Variants in PRKCA observed in about 807,000 individuals in gnomAD.
PRKCA encodes the protein protein kinase C alpha, also known as protein kinase C alpha type.
Under a neutral mutation model 87.0 loss-of-function variants are expected in PRKCA, and 27 were observed. The observed-to-expected ratio is 0.31, with a 90% confidence interval of 0.23 to 0.43. The LOEUF (loss-of-function observed/expected upper bound fraction) is 0.43, where lower values mean the gene tolerates loss of function less well. Among genes scored for constraint, PRKCA ranks in the 20% least tolerant of loss-of-function variants. The probability of loss-of-function intolerance (pLI) is 1.00; values close to 1 mark genes in which losing one functional copy is unlikely to be tolerated. For synonymous variants in PRKCA, 329 were observed against 311.1 expected (o/e 1.06, Z -0.61); for missense variants, 518 against 852.3 (o/e 0.61, Z 4.88).
chr17:66,332,179 A>G (rs886167890), intron 2 of PRKCA, among the ~76,000 whole-genome samples: 3 of 151,604 alleles, frequency 2.0e-5, no homozygotes, highest in African/African-American at 7.3e-5. Flanking sequence ...TTATTTGATA[A>G]AATATTTTTT....
chr17:66,797,211 A>G (rs1411395849), intron 16 of PRKCA, among the ~76,000 whole-genome samples: 1 of 152,150 alleles, frequency 6.6e-6, no homozygotes, highest in Non-Finnish European at 1.5e-5. Flanking sequence ...ACCCTATCAC[A>G]GAATGAAAGG....
chr17:66,485,396 C>A (rs2144069336), intron 2 of PRKCA, among the ~76,000 whole-genome samples: 1 of 152,278 alleles, frequency 6.6e-6, no homozygotes, highest in Admixed American at 6.5e-5. Context: ...TTTCTGCAAC[C>A]CTGCCAAGAA....
At chr17:66,373,023 C>T (rs1172096432) in intron 2 of PRKCA, among the ~76,000 whole-genome samples, 1 of 152,070 alleles carries the variant, frequency 6.6e-6, no homozygotes, top group Non-Finnish European at 1.5e-5. Flanking sequence ...TGCGCCACTG[C>T]ACTCCAGCCT....
intron 3 of PRKCA, among the ~76,000 whole-genome samples, chr17:66,634,590 T>A (rs1175848075): frequency 6.6e-6 from 1 of 152,268 alleles, no homozygotes; most frequent in East Asian, 1.9e-4. Flanking sequence ...AGCCCTTTGG[T>A]GCACAGTGAT....
intron 3 of PRKCA, among the ~76,000 whole-genome samples, chr17:66,545,210 C>T (rs914089208): frequency 3.3e-5 from 5 of 151,652 alleles, no homozygotes; most frequent in Admixed American, 2.0e-4. Context: ...GGGCAGATCA[C>T]GAGGTCAGGA....
At chr17:66,790,976 C>G (rs1028183694) in intron 16 of PRKCA, among the ~76,000 whole-genome samples, 1 of 146,206 alleles carries the variant, frequency 6.8e-6, no homozygotes, top group Non-Finnish European at 1.5e-5. Context: ...ATTCCTGGAG[C>G]GCTACTGTTT....
At chr17:66,396,282 G>T (rs1048469195) in intron 2 of PRKCA, among the ~76,000 whole-genome samples, 1 of 152,118 alleles carries the variant, frequency 6.6e-6, no homozygotes, top group Non-Finnish European at 1.5e-5. Context: ...AGAGTATTTT[G>T]TGTGTGTGAA....
At chr17:66,449,409 T>C (rs1914200576) in intron 2 of PRKCA, among the ~76,000 whole-genome samples, 1 of 152,098 alleles carries the variant, frequency 6.6e-6, no homozygotes, top group African/African-American at 2.4e-5. Flanking sequence ...AAAAAAAAAG[T>C]GTGTATATTA....
chr17:66,471,086 A>G (rs1013262378), intron 2 of PRKCA, among the ~76,000 whole-genome samples: 6 of 151,340 alleles, frequency 4.0e-5, no homozygotes, highest in Admixed American at 6.6e-5. Context: ...CAAGAGCTTT[A>G]GCTTCATTTA....
At chr17:66,594,854 C>T (rs893933789) in intron 3 of PRKCA, among the ~76,000 whole-genome samples, 3 of 152,126 alleles carry the variant, frequency 2.0e-5, no homozygotes, top group African/African-American at 7.2e-5. Context: ...AAGATAGAAA[C>T]CTTTATATAT....
rs143368882 is a variant in PRKCA at position 66,637,653 on chromosome 17, T to C, written c.289-3702T>C. On this transcript the variant is annotated intron_variant, in intron 3 of 16. Transcript: ENST00000413366. The stretch of plus-strand genomic sequence containing the variant: ...GAGGATATCATTAATCATCTACACA[T>C]AGAGGTGCTAGGTACTCACCTCGCA... Among the ~76,000 whole-genome samples the C allele has an allele frequency of 5.2e-3, 785 of 152,278 alleles. 11 individuals carry two copies. Among genetic ancestry groups the C allele is most frequent in the African/African-American group, 0.016 (675 of 41,552 alleles).
At chr17:66,745,971 G>C (rs1241352548) in intron 13 of PRKCA, among the ~76,000 whole-genome samples, 1 of 152,058 alleles carries the variant, frequency 6.6e-6, no homozygotes, top group African/African-American at 2.4e-5. Context: ...TGCCACGAGG[G>C]ATACAAAAAG....
intron 2 of PRKCA, among the ~76,000 whole-genome samples, chr17:66,421,427 T>A (rs1453270906): frequency 4.6e-5 from 3 of 65,500 alleles, no homozygotes; most frequent in Non-Finnish European, 9.2e-5. Context: ...CCACAGCCTC[T>A]GTTTTTTTTT....
intron 6 of PRKCA, among the ~76,000 whole-genome samples, chr17:66,687,607 G>A (rs181588529): frequency 2.8e-4 from 43 of 152,310 alleles, no homozygotes; most frequent in African/African-American, 9.9e-4. Context: ...TTGGGAGTTA[G>A]GGGAGGGCAT....
At chr17:66,737,648 C>T (rs1163484653) in intron 10 of PRKCA, among the ~76,000 whole-genome samples, 2 of 152,300 alleles carry the variant, frequency 1.3e-5, no homozygotes, top group South Asian at 2.1e-4. Context: ...TAGCAGTGGC[C>T]GCGGAGTCAG....
chr17:66,766,962 G>T (rs1283266063), intron 13 of PRKCA, among the ~76,000 whole-genome samples: 1 of 152,098 alleles, frequency 6.6e-6, no homozygotes, highest in East Asian at 1.9e-4. Context: ...TAAAACAACT[G>T]AAATGATGCT....
chr17:66,578,012 C>T (rs1033358866), intron 3 of PRKCA, among the ~76,000 whole-genome samples: 7 of 152,098 alleles, frequency 4.6e-5, no homozygotes, highest in Non-Finnish European at 8.8e-5. Context: ...GTGTCATGCG[C>T]CCCCTCCACC....
chr17:66,572,426 C>A (rs941394224), intron 3 of PRKCA, among the ~76,000 whole-genome samples: 2 of 152,028 alleles, frequency 1.3e-5, no homozygotes, highest in South Asian at 2.1e-4. Flanking sequence ...AAGATTGCAC[C>A]ATGACACTCC....
intron 2 of PRKCA, among the ~76,000 whole-genome samples, chr17:66,397,258 C>T (rs571988398): frequency 8.1e-5 from 12 of 147,804 alleles, no homozygotes; most frequent in African/African-American, 3.0e-4. Context: ...AGCCAGCATG[C>T]CCGGCCCCAG....
Sources: allele counts gnomAD v4.1 joint callset (sites outside exome capture counted in the v4.1 genomes callset), GRCh38; gene constraint gnomAD v4.1.1; transcripts MANE v1.5; gene names NCBI Gene and HGNC (gene_info 2026-07-23, HGNC 2026-07-21).